The following ROBO2 variants were observed in gnomAD, a reference collection of about 807,000 sequenced individuals.
The protein encoded by ROBO2 is roundabout homolog 2.
ROBO2 carries 53 observed loss-of-function variants against 160.8 expected under a neutral mutation model. The observed-to-expected ratio is 0.33, with a 90% CI of 0.26 to 0.41. The LOEUF (loss-of-function observed/expected upper bound fraction) is 0.41. Among genes scored for constraint, ROBO2 ranks in the 10% least tolerant of loss-of-function variants. ROBO2 has a pLI of 1.00. For synonymous variants in ROBO2, 664 were observed against 611.7 expected (o/e 1.09, Z -1.26); for missense variants, 1,577 against 1,722.4 (o/e 0.92, Z 1.49).
At chr3:77,216,717 C>G (rs1258874487) in intron 2 of ROBO2, among the ~76,000 whole-genome samples, 1 of 152,110 alleles carries the variant, frequency 6.6e-6, no homozygotes, top group African/African-American at 2.4e-5. Context: ...CATCTTGGCT[C>G]CACCCCACAA....
At chr3:76,189,548 C>T (rs905055839) in intron 2 of ROBO2, among the ~76,000 whole-genome samples, 12 of 152,040 alleles carry the variant, frequency 7.9e-5, no homozygotes. Context: ...CCAAGATTCT[C>T]TCTGTACATA....
intron 2 of ROBO2, among the ~76,000 whole-genome samples, chr3:77,240,753 T>G (rs1001431528): frequency 1.3e-5 from 2 of 152,260 alleles, no homozygotes; most frequent in Non-Finnish European, 2.9e-5. Context: ...CTTTACTGCC[T>G]TTCAGAAAAG....
intron 2 of ROBO2, among the ~76,000 whole-genome samples, chr3:75,951,821 C>CT (rs1232809480): frequency 6.6e-6 from 1 of 151,878 alleles, no homozygotes; most frequent in Non-Finnish European, 1.5e-5. Context: ...ATGTCCAAAT[C>CT]TTTTTTTGAA....
chr3:76,028,792 A>C (rs2066825483), intron 2 of ROBO2, among the ~76,000 whole-genome samples: 2 of 151,982 alleles, frequency 1.3e-5, no homozygotes, highest in South Asian at 4.1e-4. Flanking sequence ...ACTAGATTTT[A>C]AATTTGCATT....
chr3:77,238,955 G>T (rs1444174270), intron 2 of ROBO2, among the ~76,000 whole-genome samples: 1 of 152,036 alleles, frequency 6.6e-6, no homozygotes, highest in Non-Finnish European at 1.5e-5. Flanking sequence ...ATCATCCCTT[G>T]GTTCCAGGAC....
chr3:77,182,457 G>C (rs1197780251), intron 2 of ROBO2, among the ~76,000 whole-genome samples: 1 of 152,074 alleles, frequency 6.6e-6, no homozygotes, highest in East Asian at 1.9e-4. Flanking sequence ...AGCTTGAACA[G>C]TTATTCTGAA....
At chr3:76,995,370 T>C (rs938388387) in intron 2 of ROBO2, among the ~76,000 whole-genome samples, 25 of 152,190 alleles carry the variant, frequency 1.6e-4, no homozygotes, top group East Asian at 1.5e-3. Context: ...TTTGGGTGGG[T>C]TCCAAGTCTT....
At chr3:77,349,648 A>T (rs945922681) in intron 2 of ROBO2, among the ~76,000 whole-genome samples, 1 of 152,194 alleles carries the variant, frequency 6.6e-6, no homozygotes, top group East Asian at 1.9e-4. Flanking sequence ...CCAAAGCGAA[A>T]GTTGGGCACG....
At chr3:76,261,682 T>C (rs1706775697) in intron 2 of ROBO2, among the ~76,000 whole-genome samples, 1 of 152,120 alleles carries the variant, frequency 6.6e-6, no homozygotes. Context: ...TTTGGTGCTA[T>C]ATTAAATAAG....
At chr3:76,673,781 A>C (rs181660253) in intron 2 of ROBO2, among the ~76,000 whole-genome samples, 1 of 152,264 alleles carries the variant, frequency 6.6e-6, no homozygotes, top group East Asian at 1.9e-4. Context: ...GTGCAAGTCA[A>C]GAATAAATAA....
At chr3:76,548,990 T>C (rs763046756) in intron 2 of ROBO2, among the ~76,000 whole-genome samples, 10 of 152,132 alleles carry the variant, frequency 6.6e-5, no homozygotes, top group Non-Finnish European at 1.0e-4. Flanking sequence ...TTTAAGTTTA[T>C]ATATAATTAT....
At chr3:77,550,670 G>A in intron 7 of ROBO2, 148 bp from the exon 9 acceptor site, 1 of 801,800 alleles carries the variant, frequency 1.2e-6, no homozygotes, top group East Asian at 2.7e-5. Flanking sequence ...GAAACCCACT[G>A]TGTGGCATTT....
chr3:76,123,333 A>G (rs1372802513), intron 2 of ROBO2, among the ~76,000 whole-genome samples: 1 of 152,074 alleles, frequency 6.6e-6, no homozygotes, highest in Admixed American at 6.6e-5. Context: ...TTTATTAGTC[A>G]TTATTGAAGG....
chr3:77,273,287 A>C (rs1318884318), intron 2 of ROBO2, among the ~76,000 whole-genome samples: 1 of 152,202 alleles, frequency 6.6e-6, no homozygotes, highest in Non-Finnish European at 1.5e-5. Context: ...GCTGCAGGCC[A>C]TTACCCTAAG....
intron 2 of ROBO2, among the ~76,000 whole-genome samples, chr3:77,454,747 A>G (rs1223559653): frequency 2.6e-5 from 4 of 152,094 alleles, no homozygotes; most frequent in African/African-American, 9.7e-5. Flanking sequence ...CATTCTAACC[A>G]ATTTTACTTA....
chr3:76,249,516 GTTA>G (rs370210750), intron 2 of ROBO2, among the ~76,000 whole-genome samples: 163 of 152,196 alleles, frequency 1.1e-3, no homozygotes, highest in African/African-American at 3.6e-3. Flanking sequence ...AGAAAGAAAA[GTTA>G]TTATTATTTT....
chr3:76,182,258 A>G (rs1029763699), intron 2 of ROBO2, among the ~76,000 whole-genome samples: 19 of 152,164 alleles, frequency 1.2e-4, no homozygotes, highest in Admixed American at 1.1e-3. Context: ...TTAGTCAATT[A>G]CAACCTGTCC....
At chr3:77,080,338 G>A (rs529732300) in intron 1 of ROBO2, among the ~76,000 whole-genome samples, 1 of 152,106 alleles carries the variant, frequency 6.6e-6, no homozygotes, top group African/African-American at 2.4e-5. Flanking sequence ...CCAGATGGAG[G>A]CTGAAGATTT....
intron 2 of ROBO2, among the ~76,000 whole-genome samples, chr3:77,188,677 AT>A (rs1268986159): frequency 6.6e-6 from 1 of 151,804 alleles, no homozygotes; most frequent in Non-Finnish European, 1.5e-5. Flanking sequence ...GTAAGAGAAC[AT>A]TTTTACTGTT....
Sources: allele counts gnomAD v4.1 joint callset (sites outside exome capture counted in the v4.1 genomes callset), GRCh38; gene constraint gnomAD v4.1.1; transcripts MANE v1.5; gene names NCBI Gene and HGNC (gene_info 2026-07-23, HGNC 2026-07-21).